The following PRKD1 variants were observed in gnomAD, a reference collection of about 807,000 sequenced individuals.
PRKD1 encodes the protein protein kinase D1.
In PRKD1, 63 loss-of-function variants were observed where a neutral mutation model predicts 95.9. That is an observed-to-expected ratio of 0.66 (90% CI 0.54 to 0.81). PRKD1 has a LOEUF of 0.81. Among genes scored for constraint, PRKD1 ranks in the 30% least tolerant of loss-of-function variants. PRKD1 has a pLI of 0.00. For missense variants in PRKD1, 1,048 were observed against 1,165.3 expected, an observed-to-expected ratio of 0.90 and a Z score of 1.47; for synonymous variants, 425 against 423.1, an observed-to-expected ratio of 1.00 and a Z score of -0.05.
At position 29,602,784 on chromosome 14, in the gene PRKD1, T is replaced by C. The variant is rs145809456; in HGVS notation, c.1906-2967A>G. On this transcript the variant is annotated intron_variant, in intron 13 of 17. Transcript: ENST00000331968. ...CTTCACTCAATTTATTCCTTTTTCCTACTCCACAACATGACCTGAGGTGCC... is the reference window on the plus strand; with the variant it reads ...CTTCACTCAATTTATTCCTTTTTCCCACTCCACAACATGACCTGAGGTGCC... 2.2e-3 allele frequency among the ~76,000 whole-genome samples: 336 copies of C among 152,278 alleles called. 1 individual carries two copies. The highest frequency in any genetic ancestry group is 6.0e-3 in the African/African-American group (251 of 41,564).
intron 13 of PRKD1, among the ~76,000 whole-genome samples, chr14:29,613,981 T>A (rs868812341): frequency 6.6e-6 from 1 of 152,344 alleles, no homozygotes; most frequent in Middle Eastern, 3.4e-3. Flanking sequence ...AATGAATGAA[T>A]GCATGAATGA....
At chr14:29,676,177 GTT>G (rs147308040) in intron 2 of PRKD1, among the ~76,000 whole-genome samples, 1 of 104,762 alleles carries the variant, frequency 9.5e-6, no homozygotes, top group Admixed American at 1.0e-4. Context: ...AGTTCATTAC[GTT>G]TTTGTTTTTT....
intron 13 of PRKD1, among the ~76,000 whole-genome samples, chr14:29,615,628 C>T (rs1417395216): frequency 6.6e-6 from 1 of 152,190 alleles, no homozygotes; most frequent in Non-Finnish European, 1.5e-5. Flanking sequence ...ATGACTTCCT[C>T]CACTGTGCTT....
intron 1 of PRKD1, among the ~76,000 whole-genome samples, chr14:29,831,070 T>A (rs941972211): frequency 6.6e-6 from 1 of 152,214 alleles, no homozygotes; most frequent in East Asian, 1.9e-4. Flanking sequence ...TTCATGAATT[T>A]ATACTTTAAA....
chr14:29,772,562 A>G (rs1453796199), intron 1 of PRKD1, among the ~76,000 whole-genome samples: 1 of 152,186 alleles, frequency 6.6e-6, no homozygotes, highest in African/African-American at 2.4e-5. Flanking sequence ...GTGTATGAGT[A>G]TACATTTTTC....
At chr14:29,764,556 G>A (rs1036815756) in intron 1 of PRKD1, among the ~76,000 whole-genome samples, 2 of 152,100 alleles carry the variant, frequency 1.3e-5, no homozygotes, top group Admixed American at 6.5e-5. Flanking sequence ...GTCTGGTAAG[G>A]GCTGCTCTCT....
chr14:29,635,157 T>C (rs755489076), intron 7 of PRKD1, among the ~76,000 whole-genome samples: 20 of 152,220 alleles, frequency 1.3e-4, no homozygotes, highest in Admixed American at 6.5e-4. Flanking sequence ...GCCACACTAT[T>C]CAGACTCACA....
chr14:29,888,191 G>A (rs1018064248), intron 1 of PRKD1, among the ~76,000 whole-genome samples: 1 of 152,118 alleles, frequency 6.6e-6, no homozygotes. Context: ...TATAGTCCCA[G>A]CAACTTGGAG....
At chr14:29,679,648 A>T (rs1198989772) in intron 2 of PRKD1, among the ~76,000 whole-genome samples, 7 of 152,126 alleles carry the variant, frequency 4.6e-5, no homozygotes, top group African/African-American at 1.7e-4. Context: ...GACTGTCAAC[A>T]TCAGGAAGAG....
chr14:29,770,405 G>T (rs917112176), intron 1 of PRKD1, among the ~76,000 whole-genome samples: 7 of 152,214 alleles, frequency 4.6e-5, no homozygotes, highest in Admixed American at 3.9e-4. Context: ...ATTCTGGTGA[G>T]GGCTCAGAAG....
chr14:29,687,968 C>T (rs1448547967), intron 2 of PRKD1, among the ~76,000 whole-genome samples: 1 of 152,182 alleles, frequency 6.6e-6, no homozygotes, highest in Non-Finnish European at 1.5e-5. Flanking sequence ...GGACTGTAAA[C>T]TCCGTGGCTT....
At chr14:29,721,636 T>G (rs907426673) in intron 2 of PRKD1, among the ~76,000 whole-genome samples, 1 of 152,102 alleles carries the variant, frequency 6.6e-6, no homozygotes, top group African/African-American at 2.4e-5. Flanking sequence ...ACAACCTTGA[T>G]TTTACAGTTC....
intron 1 of PRKD1, among the ~76,000 whole-genome samples, chr14:29,763,085 T>C (rs1162673470): frequency 7.4e-6 from 1 of 135,206 alleles, no homozygotes; most frequent in Non-Finnish European, 1.5e-5. Flanking sequence ...GCACAGGAGT[T>C]GGAGACCTGG....
chr14:29,610,391 C>T (rs149814335), intron 13 of PRKD1, among the ~76,000 whole-genome samples: 1 of 152,208 alleles, frequency 6.6e-6, no homozygotes, highest in Non-Finnish European at 1.5e-5. Flanking sequence ...AGAAGCTATA[C>T]AGATGGAAAA....
chr14:29,598,822 C>T (rs537637402), intron 15 of PRKD1, among the ~76,000 whole-genome samples: 5 of 152,278 alleles, frequency 3.3e-5, no homozygotes, highest in African/African-American at 1.2e-4. Context: ...AATGAGAAGG[C>T]ACTTTTGTGT....
chr14:29,651,288 C>T (rs1881478614), intron 4 of PRKD1, among the ~76,000 whole-genome samples: 1 of 152,220 alleles, frequency 6.6e-6, no homozygotes, highest in Non-Finnish European at 1.5e-5. Flanking sequence ...GTGATATTTT[C>T]AGTGCATGGC....
intron 1 of PRKD1, among the ~76,000 whole-genome samples, chr14:29,752,634 A>G (rs1021974584): frequency 1.3e-5 from 2 of 151,848 alleles, no homozygotes; most frequent in African/African-American, 4.8e-5. Context: ...GAATCAGATA[A>G]CACTTTCTTA....
intron 1 of PRKD1, among the ~76,000 whole-genome samples, chr14:29,733,104 A>ATTT (rs1203278375): frequency 1.0e-4 from 14 of 137,012 alleles, no homozygotes; most frequent in African/African-American, 3.8e-4. Flanking sequence ...ATTTTTATTT[A>ATTT]TTTATTTTTT....
At chr14:29,815,376 G>A (rs932112283) in intron 1 of PRKD1, among the ~76,000 whole-genome samples, 3 of 152,050 alleles carry the variant, frequency 2.0e-5, no homozygotes, top group African/African-American at 7.2e-5. Context: ...CATTCCAGAC[G>A]ATCAAAATGT....
Sources: allele counts gnomAD v4.1 joint callset (sites outside exome capture counted in the v4.1 genomes callset), GRCh38; gene constraint gnomAD v4.1.1; transcripts MANE v1.5; gene names NCBI Gene and HGNC (gene_info 2026-07-23, HGNC 2026-07-21).